Variants in PLCL2 observed in about 807,000 individuals in gnomAD.
PLCL2 encodes the protein phospholipase C like 2, also known as inactive phospholipase C-like protein 2.
Under a neutral mutation model 79.6 loss-of-function variants are expected in PLCL2, and 4 were observed. That is an observed-to-expected ratio of 0.05 (90% confidence interval 0.02 to 0.11). The LOEUF (loss-of-function observed/expected upper bound fraction) is 0.11. Among genes scored for constraint, PLCL2 ranks in the 10% least tolerant of loss-of-function variants. The pLI is 1.00. For synonymous variants in PLCL2, 484 were observed against 457.7 expected, an observed-to-expected ratio of 1.06 and a Z score of -0.73; for missense variants, 895 against 1,291.0, an observed-to-expected ratio of 0.69 and a Z score of 4.70.
intron 1 of PLCL2, among the ~76,000 whole-genome samples, chr3:16,961,324 T>C (rs942283805): frequency 6.6e-6 from 1 of 152,136 alleles, no homozygotes; most frequent in Non-Finnish European, 1.5e-5. Context: ...AGCACATACT[T>C]AGTGAGCACC....
intron 4 of PLCL2, among the ~76,000 whole-genome samples, chr3:17,065,391 C>G (rs2064999886): frequency 6.6e-6 from 1 of 152,178 alleles, no homozygotes; most frequent in South Asian, 2.1e-4. Context: ...AGCCTCTGGC[C>G]CTAGACTCAT....
At chr3:16,888,920 A>G (rs1243772303) in intron 1 of PLCL2, among the ~76,000 whole-genome samples, 1 of 152,206 alleles carries the variant, frequency 6.6e-6, no homozygotes, top group Non-Finnish European at 1.5e-5. Context: ...AGTTCTGTGA[A>G]CTTTGACCAA....
chr3:17,035,764 C>T, intron 3 of PLCL2: 1 of 516,682 alleles, frequency 1.9e-6, no homozygotes, highest in Non-Finnish European at 3.9e-6. Context: ...TGTTTCCTTA[C>T]ATTCTCTAAT....
In PLCL2 at chr3:16,980,215, G is replaced by C. The variant is rs192051431; in HGVS notation, c.328-29459G>C. Among the ~76,000 whole-genome samples the C allele has an allele frequency of 3.6e-3, 486 of 135,504 alleles. 21 individuals are homozygous for C. The East Asian group carries it at 0.1, about 28-fold the overall frequency. The allele number at this position is 135,504 out of a possible 152,430, so 88.9% of individuals were successfully genotyped here. On this transcript the variant is annotated intron_variant, in intron 1 of 5. Transcript: ENST00000615277. Reference sequence around the variant, plus strand: ...AGGGGCTCCTCACTTCCCAGTAGGGGTGGCCGGGCAGAGGCACCCCTCACC... The same window carrying C: ...AGGGGCTCCTCACTTCCCAGTAGGGCTGGCCGGGCAGAGGCACCCCTCACC...
chr3:16,970,851 A>G (rs1431751077), intron 1 of PLCL2, among the ~76,000 whole-genome samples: 1 of 150,192 alleles, frequency 6.7e-6, no homozygotes, highest in African/African-American at 2.4e-5. Context: ...TTGGCTGCAT[A>G]AATGTCTTCT....
At chr3:16,913,857 C>T (rs1696935712) in intron 1 of PLCL2, among the ~76,000 whole-genome samples, 1 of 152,182 alleles carries the variant, frequency 6.6e-6, no homozygotes, top group African/African-American at 2.4e-5. Flanking sequence ...GTAAATTTTG[C>T]TCCTATTATG....
At chr3:17,051,542 G>GA (rs2064838808) in intron 4 of PLCL2, among the ~76,000 whole-genome samples, 1 of 151,508 alleles carries the variant, frequency 6.6e-6, no homozygotes, top group Non-Finnish European at 1.5e-5. Context: ...TGTTCTGGGG[G>GA]GAAAAAAAAG....
intron 1 of PLCL2, among the ~76,000 whole-genome samples, chr3:16,893,795 A>C (rs1427289465): frequency 6.6e-6 from 1 of 152,244 alleles, no homozygotes; most frequent in South Asian, 2.1e-4. Context: ...CTGCATGTGT[A>C]CACATGCTAT....
intron 3 of PLCL2, among the ~76,000 whole-genome samples, chr3:17,030,792 C>T (rs1333282919): frequency 6.6e-6 from 1 of 152,172 alleles, no homozygotes. Context: ...TTTCAACGAA[C>T]GTCTATACTT....
chr3:17,085,808 CCATTTA>C (rs1168618405), intron 5 of PLCL2, among the ~76,000 whole-genome samples: 1 of 152,116 alleles, frequency 6.6e-6, no homozygotes, highest in Non-Finnish European at 1.5e-5. Context: ...AAACACATGA[CCATTTA>C]CATTAGAACC....
rs774451232 is a variant in PLCL2, at chr3:17,009,693, G to A, written c.347G>A (p.Arg116Lys). The stretch of plus-strand genomic sequence containing the variant: ...TCTCAGGATGGTACAAAACAGAAGA[G>A]GGAACGGAAAAAGACAGTCTCATTC... Reference protein sequence around the residue: ...SIIKDGTKQKRERKKTVSFSS... With the variant: ...SIIKDGTKQKKERKKTVSFSS... The change falls in exon 2 of 6, where the codon AGG becomes AAG. Residue 116 changes from arginine (R) to lysine (K), a missense_variant. By Grantham distance (26) the Arg-to-Lys change is conservative. Around this residue, in one of 6 missense-constraint regions of PLCL2, gnomAD observed 129 missense variants for 208.8 expected, o/e 0.62. Coordinates refer to ENST00000615277, the MANE Select transcript of PLCL2 (RefSeq NM_001144382.2). The surrounding 1 kb of genome is among the most constrained non-coding windows in gnomAD (Gnocchi z 4.0). 7 of 1,598,948 alleles carry A rather than the reference G, an allele frequency of 4.4e-6. No homozygotes were observed. In the African/African-American group the frequency reaches 5.4e-5, roughly 12 times the overall value.
Position 17,010,330 on chromosome 3 carries a change from G to C in PLCL2, c.984G>C (p.Lys328Asn). 1 of 1,614,074 alleles carries C rather than the reference G, an allele frequency of 6.2e-7. No homozygotes were observed. The highest frequency in any genetic ancestry group is 1.3e-5 in the African/African-American group (1 of 75,040). Reference protein sequence around the residue: ...SKDKAGTEVTKEEFIEVFHEL... With the variant: ...SKDKAGTEVTNEEFIEVFHEL... ...ACAAAGCTGGTACCGAGGTCACAAA[G>C]GAAGAATTTATTGAGGTTTTTCATG... Residue 328 changes from lysine to asparagine, a missense_variant, in exon 2 of 6, where the codon AAG becomes AAC. Physicochemically the swap from Lys to Asn is moderately conservative, Grantham distance 94. Around this residue, in one of 6 missense-constraint regions of PLCL2, gnomAD observed 93 missense variants for 93.2 expected, o/e 1.00. Coordinates refer to ENST00000615277, the MANE Select transcript of PLCL2 (RefSeq NM_001144382.2). The surrounding 1 kb of genome is among the most constrained non-coding windows in gnomAD (Gnocchi z 5.8).
At chr3:16,943,703 C>G (rs1178581936) in intron 1 of PLCL2, among the ~76,000 whole-genome samples, 2 of 152,078 alleles carry the variant, frequency 1.3e-5, no homozygotes, top group Non-Finnish European at 2.9e-5. Context: ...TAACAGATAT[C>G]CATCCATGTA....
chr3:16,957,125 T>C (rs2063713256), intron 1 of PLCL2, among the ~76,000 whole-genome samples: 1 of 152,194 alleles, frequency 6.6e-6, no homozygotes, highest in Non-Finnish European at 1.5e-5. Context: ...GATGTTAGGG[T>C]GTCAATTTTG....
intron 1 of PLCL2, among the ~76,000 whole-genome samples, chr3:16,924,621 T>C (rs1697202112): frequency 6.6e-6 from 1 of 152,212 alleles, no homozygotes; most frequent in South Asian, 2.1e-4. Context: ...CCCTAGCAAG[T>C]TAACCTTTTC....
chr3:17,077,882 CCT>C, intron 5 of PLCL2, among the ~76,000 whole-genome samples: 1 of 152,300 alleles, frequency 6.6e-6, no homozygotes, highest in African/African-American at 2.4e-5. Flanking sequence ...GGTAGCTGCT[CCT>C]CTCTGTGGAA....
At chr3:16,915,978 T>C (rs1696985298) in intron 1 of PLCL2, among the ~76,000 whole-genome samples, 2 of 152,222 alleles carry the variant, frequency 1.3e-5, no homozygotes, top group Admixed American at 1.3e-4. Context: ...TTCACGAGCA[T>C]GTAACACAGC....
intron 1 of PLCL2, among the ~76,000 whole-genome samples, chr3:16,994,639 CTG>C (rs959975220): frequency 9.9e-5 from 15 of 152,156 alleles, no homozygotes; most frequent in South Asian, 2.1e-4. Context: ...TATTTTAAAA[CTG>C]TTTTTAAAAT....
chr3:16,947,671 C>T (rs2063614878), intron 1 of PLCL2, among the ~76,000 whole-genome samples: 1 of 152,150 alleles, frequency 6.6e-6, no homozygotes, highest in South Asian at 2.1e-4. Flanking sequence ...AAAGAAACTA[C>T]CTTTGCCACC....
Sources: allele counts gnomAD v4.1 joint callset (sites outside exome capture counted in the v4.1 genomes callset), GRCh38; gene constraint gnomAD v4.1.1; regional missense constraint gnomAD v4.1.1; non-coding constraint Gnocchi (gnomAD v3.1); transcripts MANE v1.5; gene names NCBI Gene and HGNC (gene_info 2026-07-23, HGNC 2026-07-21).